Variants in PSME4 observed in about 807,000 individuals in gnomAD.
PSME4 encodes the protein proteasome activator subunit 4, also known as proteasome activator complex subunit 4.
In PSME4, 89 loss-of-function variants were observed where a neutral mutation model predicts 253.9. The ratio of observed to expected loss-of-function variants is 0.35; its 90% CI spans 0.30 to 0.42. The LOEUF (loss-of-function observed/expected upper bound fraction) is 0.42. Ranked by LOEUF, PSME4 falls within the 10% of genes least tolerant of loss-of-function variation. The probability of loss-of-function intolerance (pLI) is 1.00; values close to 1 mark genes in which losing one functional copy is unlikely to be tolerated. For missense variants in PSME4, 2,014 were observed against 2,195.2 expected (o/e 0.92, Z 1.65); for synonymous variants, 851 against 759.2 (o/e 1.12, Z -1.99).
chr2:53,931,075 C>T (rs932632264), intron 10 of PSME4, among the ~76,000 whole-genome samples: 3 of 152,084 alleles, frequency 2.0e-5, no homozygotes, highest in African/African-American at 2.4e-5. Context: ...GTCAGGAGTT[C>T]GAAACCAGCC....
At chr2:53,878,353 G>A (rs60769690) in intron 41 of PSME4, among the ~76,000 whole-genome samples, 17,364 of 152,140 alleles carry the variant, frequency 0.11, 1,583 homozygotes, top group African/African-American at 0.26. Flanking sequence ...AGCTGAGGAT[G>A]AATGTCGCCT....
rs778314798 is a variant in PSME4 at position 53,923,134 on chromosome 2, T to C, written c.1909-16A>G. ...CTGGGCAGCACTGAAAATGTATTTGTATAAGTAAGGCTTTTTTGAAAGGCA... is the reference window on the plus strand; with the variant it reads ...CTGGGCAGCACTGAAAATGTATTTGCATAAGTAAGGCTTTTTTGAAAGGCA... On this transcript the variant is annotated splice_polypyrimidine_tract_variant and intron_variant, in intron 15 of 46. Coordinates refer to ENST00000404125, the MANE Select transcript of PSME4 (RefSeq NM_014614.3). 1 of 1,593,226 alleles carries C rather than the reference T, an allele frequency of 6.3e-7. No homozygotes were observed. Among genetic ancestry groups the C allele is most frequent in the Non-Finnish European group, 8.6e-7 (1 of 1,168,138 alleles).
rs191961083 is a variant in PSME4 at position 53,948,369 on chromosome 2, C to A, written c.500+52G>T. The A allele has an allele frequency of 3.7e-4, 404 of 1,101,790 alleles. 7 individuals are homozygous for A. The East Asian group carries it at 9.4e-3, about 26-fold the overall frequency. 68.3% of individuals were successfully genotyped at this position (1,101,790 alleles called of 1,614,324 possible). A position where few individuals can be genotyped will look rare whatever the true frequency, so the allele number is the denominator to read the frequency against. On this transcript the variant is annotated intron_variant, in intron 3 of 46. Transcript: ENST00000404125. ...AATATTTTTCAATCATGATCACCCC[C>A]CTAAAAAACCCCAAGTACTCCCAAA...
intron 26 of PSME4, among the ~76,000 whole-genome samples, chr2:53,905,113 T>C (rs1422139141): frequency 4.1e-5 from 6 of 146,252 alleles, no homozygotes; most frequent in Non-Finnish European, 9.0e-5. Flanking sequence ...CACTGCAACC[T>C]CCGCCTCCCA....
intron 7 of PSME4, 32 bp downstream of exon 7, chr2:53,936,055 C>G: frequency 6.2e-7 from 1 of 1,604,950 alleles, no homozygotes; most frequent in Non-Finnish European, 8.5e-7. Context: ...CACCCCATGC[C>G]TGATAATTTT....
intron 35 of PSME4, 38 bp from the exon 36 acceptor site, chr2:53,892,998 C>T (rs371831236): frequency 1.3e-6 from 2 of 1,562,652 alleles, no homozygotes; most frequent in African/African-American, 2.7e-5. Flanking sequence ...ACTCAAATGA[C>T]TATCATCTCG....
rs1171128219 is a variant in PSME4, at chr2:53,903,895, A to G, written c.3075+130T>C. On this transcript the variant is annotated intron_variant, in intron 27 of 46. Coordinates refer to ENST00000404125, the MANE Select transcript of PSME4 (RefSeq NM_014614.3). ...AAAAAAAAGAACAGATATGCGATAA[A>G]GCAAATACAGCAAAATCTTAAATAC... 3 of 748,534 alleles carry G rather than the reference A, an allele frequency of 4.0e-6. No individual in the cohort carries two copies. In the African/African-American group the frequency reaches 5.3e-5, roughly 13 times the overall value. 46.4% of individuals were successfully genotyped at this position (748,534 alleles called of 1,614,324 possible).
At chr2:53,897,028 G>C in intron 31 of PSME4, 143 bp from the exon 32 acceptor site, 1 of 648,390 alleles carries the variant, frequency 1.5e-6, no homozygotes, top group Non-Finnish European at 2.7e-6. Context: ...ATCCATGTGA[G>C]TGCTAAATCT....
At chr2:53,868,970 C>T (rs1290788490) in intron 44 of PSME4, among the ~76,000 whole-genome samples, 2 of 152,014 alleles carry the variant, frequency 1.3e-5, no homozygotes, top group Non-Finnish European at 2.9e-5. Flanking sequence ...AATGAAGGAC[C>T]GAATAATCCC....
At chr2:53,949,979 T>C (rs181249850) in intron 1 of PSME4, among the ~76,000 whole-genome samples, 169 of 152,316 alleles carry the variant, frequency 1.1e-3, no homozygotes, top group African/African-American at 3.8e-3. Context: ...TGTACTTCAA[T>C]TGAGACATAA....
intron 43 of PSME4, 164 bp from the exon 44 acceptor site, chr2:53,869,702 CA>C: frequency 2.1e-6 from 1 of 471,356 alleles, no homozygotes; most frequent in Non-Finnish European, 3.6e-6. Context: ...AGCAGATTCT[CA>C]AAGAGTTTGT....
At chr2:53,891,201 A>T (rs1168014426) in intron 36 of PSME4, among the ~76,000 whole-genome samples, 1 of 152,242 alleles carries the variant, frequency 6.6e-6, no homozygotes, top group East Asian at 1.9e-4. Context: ...TCAGCCTGAG[A>T]TATAATCTTC....
At chr2:53,871,499 C>T (rs909962111) in intron 43 of PSME4, among the ~76,000 whole-genome samples, 23 of 151,922 alleles carry the variant, frequency 1.5e-4, no homozygotes, top group Non-Finnish European at 2.6e-4. Flanking sequence ...CGTGATCCGC[C>T]CACCTCGGCC....
intron 1 of PSME4, among the ~76,000 whole-genome samples, chr2:53,963,839 T>TA (rs879752903): frequency 9.9e-5 from 15 of 152,158 alleles, no homozygotes; most frequent in Non-Finnish European, 1.6e-4. Context: ...TTGCTTTTTT[T>TA]AAAAAATTCC....
At chr2:53,893,829 G>C in intron 34 of PSME4, 30 bp from the exon 35 acceptor site, 1 of 1,555,896 alleles carries the variant, frequency 6.4e-7, no homozygotes, top group Non-Finnish European at 8.6e-7. Context: ...ACAATATTCA[G>C]CGTTTAAAAT....
rs766386983 is a variant in PSME4, at chr2:53,927,516, C to T, written c.1504-33G>A. On this transcript the variant is annotated intron_variant, in intron 11 of 46. Transcript: ENST00000404125. ...AACATACAAAGGATTTTCAACATTA[C>T]ATAATTCTAATTCAGAAATACAAGT... is the stretch of plus-strand genomic sequence containing the variant. 2.9e-6 allele frequency: 4 copies of T among 1,391,620 alleles called. No individual in the cohort carries two copies. In the South Asian group the frequency reaches 4.7e-5, roughly 16 times the overall value. The allele number at this position is 1,391,620 out of a possible 1,614,324, so 86.2% of individuals were successfully genotyped here.
intron 36 of PSME4, 111 bp from the exon 37 acceptor site, chr2:53,890,319 A>C (rs1679848385): frequency 1.4e-6 from 1 of 734,194 alleles, no homozygotes; most frequent in Admixed American, 2.5e-5. Flanking sequence ...CATTTAAATT[A>C]TTTTTGAGAC....
At chr2:53,961,015 G>C (rs1670474159) in intron 1 of PSME4, among the ~76,000 whole-genome samples, 1 of 152,184 alleles carries the variant, frequency 6.6e-6, no homozygotes, top group Non-Finnish European at 1.5e-5. Context: ...GCTGAGGCAG[G>C]AGAATCGCTT....
chr2:53,903,533 CTCCAA>C (rs2104437244), intron 27 of PSME4, among the ~76,000 whole-genome samples: 1 of 152,210 alleles, frequency 6.6e-6, no homozygotes, highest in South Asian at 2.1e-4. Context: ...TTCTTCTCTA[CTCCAA>C]TTGCATAAGC....
Sources: allele counts gnomAD v4.1 joint callset (sites outside exome capture counted in the v4.1 genomes callset), GRCh38; gene constraint gnomAD v4.1.1; transcripts MANE v1.5; gene names NCBI Gene and HGNC (gene_info 2026-07-23, HGNC 2026-07-21).